The following KCNIP1 variants were observed in gnomAD, a reference collection of about 807,000 sequenced individuals.
KCNIP1 encodes the protein A-type potassium channel modulatory protein KCNIP1.
Under a neutral mutation model 33.0 loss-of-function variants are expected in KCNIP1, and 18 were observed. That is an observed-to-expected ratio of 0.55 (90% CI 0.38 to 0.81). The LOEUF is 0.81. Ranked by LOEUF, KCNIP1 falls within the 30% of genes least tolerant of loss-of-function variation. The probability of loss-of-function intolerance (pLI) is 0.00; values close to 1 mark genes in which losing one functional copy is unlikely to be tolerated. For synonymous variants in KCNIP1, 93 were observed against 98.3 expected (o/e 0.95, Z 0.32); for missense variants, 238 against 271.6 (o/e 0.88, Z 0.87).
chr5:170,681,091 A>G (rs1379569451), intron 1 of KCNIP1: 3 of 399,308 alleles, frequency 7.5e-6, no homozygotes, highest in African/African-American at 2.1e-5. Context: ...GGCGAGTCCG[A>G]AGGGCTCCAG....
rs1304037678 is a variant in KCNIP1, at chr5:170,390,518, ATATATAT to A, written c.88+36555_88+36561del. The stretch of plus-strand genomic sequence containing the variant: ...ACCCCGTCTCAAAAAAAAAAAACAA[ATATATAT>A]ATATATATATATATTTTCAACAAAA... On this transcript the variant is annotated intron_variant, in intron 1 of 7. Coordinates refer to the KCNIP1 transcript ENST00000377360. Among the ~76,000 whole-genome samples, 42 of 84,126 alleles carry A rather than the reference ATATATAT, an allele frequency of 5.0e-4. 1 individual carries two copies. The highest frequency in any genetic ancestry group is 7.6e-4 in the Non-Finnish European group (32 of 42,364). The allele number at this position is 84,126 out of a possible 152,430, so 55.2% of individuals were successfully genotyped here. A position where few individuals can be genotyped will look rare whatever the true frequency, so the allele number is the denominator to read the frequency against.
At chr5:170,603,568 T>C (rs1353669309) in intron 1 of KCNIP1, among the ~76,000 whole-genome samples, 1 of 152,048 alleles carries the variant, frequency 6.6e-6, no homozygotes, top group East Asian at 1.9e-4. Flanking sequence ...AGATAGGCTG[T>C]GCACAGGGGT....
intron 1 of KCNIP1, among the ~76,000 whole-genome samples, chr5:170,597,608 A>G (rs1289264767): frequency 2.6e-5 from 4 of 151,906 alleles, no homozygotes; most frequent in African/African-American, 9.7e-5. Flanking sequence ...ACTGCCTTCA[A>G]TCCTGACAGG....
chr5:170,457,596 A>T (rs1478497789), intron 1 of KCNIP1, among the ~76,000 whole-genome samples: 4 of 152,186 alleles, frequency 2.6e-5, no homozygotes, highest in Non-Finnish European at 5.9e-5. Flanking sequence ...GAGAGATAAC[A>T]ATCACTACAG....
chr5:170,653,560 G>A (rs1186788767), intron 1 of KCNIP1, among the ~76,000 whole-genome samples: 1 of 152,034 alleles, frequency 6.6e-6, no homozygotes, highest in African/African-American at 2.4e-5. Context: ...ACAGAAAACA[G>A]CTCTACTTAT....
intron 1 of KCNIP1, among the ~76,000 whole-genome samples, chr5:170,398,244 G>A (rs1754809687): frequency 6.6e-6 from 1 of 152,130 alleles, no homozygotes; most frequent in Non-Finnish European, 1.5e-5. Flanking sequence ...CAGATGGTTG[G>A]GAGGACCTTA....
intron 1 of KCNIP1, among the ~76,000 whole-genome samples, chr5:170,632,801 T>C (rs1005341803): frequency 1.3e-5 from 2 of 152,250 alleles, no homozygotes; most frequent in Non-Finnish European, 2.9e-5. Context: ...GCAAGCAACC[T>C]GGCCTCTCTG....
chr5:170,397,910 A>G (rs750779273), intron 1 of KCNIP1, among the ~76,000 whole-genome samples: 6 of 152,214 alleles, frequency 3.9e-5, no homozygotes, highest in Non-Finnish European at 7.3e-5. Flanking sequence ...GGTTATAGGT[A>G]GATTTAAACA....
intron 1 of KCNIP1, among the ~76,000 whole-genome samples, chr5:170,511,335 C>T (rs1754924971): frequency 6.6e-6 from 1 of 152,262 alleles, no homozygotes; most frequent in African/African-American, 2.4e-5. Flanking sequence ...TTTGCTGCTG[C>T]CTTTTGTCCC....
chr5:170,720,460 C>T, intron 3 of KCNIP1, 70 bp downstream of exon 3: 1 of 1,207,488 alleles, frequency 8.3e-7, no homozygotes. Context: ...TCCTCCAAGT[C>T]CTCTCTTCCT....
At position 170,584,215 on chromosome 5, in the gene KCNIP1, G is replaced by C. The variant is rs573457226; in HGVS notation, c.61+79582G>C. 4.6e-5 allele frequency among the ~76,000 whole-genome samples: 7 copies of C among 152,352 alleles called. No individual in the cohort carries two copies. The South Asian group carries it at 6.2e-4, about 14-fold the overall frequency. Reference sequence around the variant, plus strand: ...TGTCTGCCATGGGCACTGGACCTGGGAGCAGCCACGGGAGCCATGCCATGA... The same window carrying C: ...TGTCTGCCATGGGCACTGGACCTGGCAGCAGCCACGGGAGCCATGCCATGA... On this transcript the variant is annotated intron_variant, in intron 1 of 7. Coordinates refer to ENST00000328939, the MANE Select transcript of KCNIP1 (RefSeq NM_014592.4).
chr5:170,452,092 A>G (rs1168557790), intron 1 of KCNIP1, among the ~76,000 whole-genome samples: 1 of 152,138 alleles, frequency 6.6e-6, no homozygotes, highest in African/African-American at 2.4e-5. Flanking sequence ...CCATGGAAAG[A>G]CCCAGAGGGA....
At chr5:170,598,906 T>TGTGCGC (rs1561709582) in intron 1 of KCNIP1, among the ~76,000 whole-genome samples, 10 of 130,142 alleles carry the variant, frequency 7.7e-5, no homozygotes, top group African/African-American at 2.7e-4. Context: ...TGTGTGCGCG[T>TGTGCGC]GTGTGTGTGT....
At chr5:170,372,175 A>G (rs907201775) in intron 1 of KCNIP1, among the ~76,000 whole-genome samples, 1 of 152,176 alleles carries the variant, frequency 6.6e-6, no homozygotes, top group Non-Finnish European at 1.5e-5. Context: ...GATCCACAGA[A>G]CTCAAAAGAA....
At chr5:170,720,211 G>A (rs1581542414) in intron 2 of KCNIP1, 110 bp from the exon 3 acceptor site, 12 of 753,446 alleles carry the variant, frequency 1.6e-5, no homozygotes, top group Non-Finnish European at 2.8e-5. Flanking sequence ...GAAATGCACA[G>A]GTCCCTGTCC....
intron 1 of KCNIP1, among the ~76,000 whole-genome samples, chr5:170,387,707 G>T (rs796681605): frequency 2.8e-4 from 42 of 152,288 alleles, no homozygotes; most frequent in African/African-American, 1.0e-3. Flanking sequence ...CTGTGATCTT[G>T]TGGGAATGGG....
chr5:170,535,238 C>T (rs1186029097), intron 1 of KCNIP1, among the ~76,000 whole-genome samples: 1 of 152,184 alleles, frequency 6.6e-6, no homozygotes, highest in Non-Finnish European at 1.5e-5. Flanking sequence ...GTCCTCCACT[C>T]CCCTAGCTGA....
chr5:170,621,745 G>C (rs1227653850), intron 1 of KCNIP1, among the ~76,000 whole-genome samples: 1 of 152,176 alleles, frequency 6.6e-6, no homozygotes. Flanking sequence ...CTAGGCTTGA[G>C]TGATCCTCCC....
intron 1 of KCNIP1, among the ~76,000 whole-genome samples, chr5:170,423,218 A>G (rs1478771192): frequency 1.3e-5 from 2 of 152,172 alleles, no homozygotes; most frequent in Non-Finnish European, 2.9e-5. Context: ...TCACAAAGAT[A>G]GTGGCAGAGC....
Sources: gnomAD v4.1 joint callset for allele counts (sites outside exome capture counted in the v4.1 genomes callset) on GRCh38, gnomAD v4.1.1 for gene constraint, MANE v1.5 for transcripts, NCBI Gene and HGNC (gene_info 2026-07-23, HGNC 2026-07-21) for gene names.